The following JMJD1C variants were observed in gnomAD, a reference collection of about 807,000 sequenced individuals.
JMJD1C encodes the protein jumonji domain containing 1C, also known as jumonji domain-containing protein 1C.
A neutral mutation model predicts 245.3 loss-of-function variants in JMJD1C; 31 were observed. The observed-to-expected ratio is 0.13, with a 90% CI of 0.09 to 0.17. The LOEUF is 0.17. JMJD1C is among the 10% of genes least tolerant of loss of function. JMJD1C has a pLI of 1.00. For synonymous variants in JMJD1C, 1,057 were observed against 1,017.4 expected, an observed-to-expected ratio of 1.04 and a Z score of -0.74; for missense variants, 2,691 against 3,000.2, an observed-to-expected ratio of 0.90 and a Z score of 2.41.
intron 1 of JMJD1C, chr10:63,382,743 T>G (rs1947311061): frequency 2.2e-6 from 1 of 454,810 alleles, no homozygotes; most frequent in South Asian, 1.6e-5. Context: ...CTGGAAGCAG[T>G]CTTCTCATCA....
chr10:63,328,431 A>C (rs1320431436), intron 2 of JMJD1C, among the ~76,000 whole-genome samples: 1 of 152,254 alleles, frequency 6.6e-6, no homozygotes, highest in Admixed American at 6.5e-5. Flanking sequence ...TCCCACTGCA[A>C]ATTCATTACG....
chr10:63,295,724 G>T (rs1282684792), intron 2 of JMJD1C, among the ~76,000 whole-genome samples: 4 of 151,940 alleles, frequency 2.6e-5, no homozygotes, highest in Non-Finnish European at 5.9e-5. Flanking sequence ...TGGTAGTTAC[G>T]CTCTGTAAAG....
chr10:63,237,034 T>C (rs772912676), intron 3 of JMJD1C, among the ~76,000 whole-genome samples: 10 of 152,042 alleles, frequency 6.6e-5, no homozygotes, highest in Non-Finnish European at 1.3e-4. Flanking sequence ...ACACTGTTTT[T>C]GTTTTGTTTT....
At chr10:63,404,236 A>C (rs1239247357) in intron 1 of JMJD1C, among the ~76,000 whole-genome samples, 2 of 152,230 alleles carry the variant, frequency 1.3e-5, no homozygotes, top group African/African-American at 4.8e-5. Flanking sequence ...GACACATAAA[A>C]TGCAGTTATT....
intron 2 of JMJD1C, among the ~76,000 whole-genome samples, chr10:63,295,846 C>T (rs1214880870): frequency 6.6e-6 from 1 of 150,942 alleles, no homozygotes; most frequent in African/African-American, 2.4e-5. Context: ...TATCCACAAA[C>T]ATGTTTCATG....
intron 2 of JMJD1C, among the ~76,000 whole-genome samples, chr10:63,277,731 C>CTTTTTTTTT (rs35442695): frequency 0.026 from 1,670 of 64,288 alleles, 136 homozygotes; most frequent in East Asian, 0.051. Flanking sequence ...ATTTGCATTT[C>CTTTTTTTTT]TTTTTTTTTT....
chr10:63,275,968 G>A (rs564010191), intron 2 of JMJD1C, among the ~76,000 whole-genome samples: 1 of 152,218 alleles, frequency 6.6e-6, no homozygotes, highest in South Asian at 2.1e-4. Context: ...TAAAGCATTA[G>A]TTTTATTATT....
chr10:63,367,300 G>T (rs931809230), intron 2 of JMJD1C, among the ~76,000 whole-genome samples: 4 of 151,956 alleles, frequency 2.6e-5, no homozygotes, highest in African/African-American at 9.7e-5. Context: ...CCCAGGCTGG[G>T]GTGCAATGGC....
At chr10:63,421,828 A>T (rs1950143454) in intron 1 of JMJD1C, among the ~76,000 whole-genome samples, 1 of 152,194 alleles carries the variant, frequency 6.6e-6, no homozygotes, top group Non-Finnish European at 1.5e-5. Flanking sequence ...GGACATGGCA[A>T]GAAAGCAGCT....
chr10:63,191,639 C>G (rs1344656162), intron 16 of JMJD1C, among the ~76,000 whole-genome samples: 1 of 152,060 alleles, frequency 6.6e-6, no homozygotes, highest in African/African-American at 2.4e-5. Flanking sequence ...ATATTTAAGA[C>G]ATGTTTACAC....
chr10:63,500,531 C>T (rs897366078), intron 1 of JMJD1C, among the ~76,000 whole-genome samples: 2 of 151,892 alleles, frequency 1.3e-5, no homozygotes, highest in South Asian at 2.1e-4. Flanking sequence ...GTCAGGAGTT[C>T]GAGACCAGCC....
At chr10:63,269,056 T>A in intron 2 of JMJD1C, 1 of 985,446 alleles carries the variant, frequency 1.0e-6, no homozygotes, top group Non-Finnish European at 1.2e-6. Flanking sequence ...CATCCTCCGA[T>A]CTGGGTCAGG....
At chr10:63,177,910 A>C in intron 22 of JMJD1C, 54 bp from the exon 23 acceptor site, 1 of 1,568,570 alleles carries the variant, frequency 6.4e-7, no homozygotes. Flanking sequence ...CAGAAAGCCA[A>C]GTCTCCTAAA....
chr10:63,324,060 T>C (rs1254155713), intron 2 of JMJD1C, among the ~76,000 whole-genome samples: 4 of 148,592 alleles, frequency 2.7e-5, no homozygotes, highest in Non-Finnish European at 6.0e-5. Context: ...TTTTTTTCTA[T>C]GTGGGCCCCC....
In JMJD1C at chr10:63,295,938, CATAT is replaced by C. The variant is rs10653796; in HGVS notation, c.334-31178_334-31175del. On this transcript the variant is annotated intron_variant, in intron 2 of 25. Coordinates refer to ENST00000399262, the MANE Select transcript of JMJD1C (RefSeq NM_032776.3). The stretch of plus-strand genomic sequence containing the variant: ...ATGTATATACATGTACATGTGTATA[CATAT>C]ATATATATACACGTATATGTGTGTG... Among the ~76,000 whole-genome samples, 66 of 115,182 alleles carry C rather than the reference CATAT, an allele frequency of 5.7e-4. 3 individuals carry two copies. The highest frequency in any genetic ancestry group is 2.1e-3 in the African/African-American group (65 of 31,590). The allele number at this position is 115,182 out of a possible 152,430, so 75.6% of individuals were successfully genotyped here. A position where few individuals can be genotyped will look rare whatever the true frequency, so the allele number is the denominator to read the frequency against.
Position 63,414,234 on chromosome 10 carries a change from C to A in JMJD1C, c.169-33752G>T, listed in dbSNP as rs1017384232. ...ATCTCCTGACCTCGTGATCTGCCTG[C>A]CTCGGCCTCCCAAAGTGCTGGGATC... On this transcript the variant is annotated intron_variant, in intron 1 of 25. Coordinates refer to ENST00000399262, the MANE Select transcript of JMJD1C (RefSeq NM_032776.3). 2.6e-5 allele frequency among the ~76,000 whole-genome samples: 4 copies of A among 152,204 alleles called. No homozygotes were observed. In the East Asian group the frequency reaches 5.8e-4, roughly 22 times the overall value.
chr10:63,359,794 T>C (rs1945168691), intron 2 of JMJD1C, among the ~76,000 whole-genome samples: 1 of 152,198 alleles, frequency 6.6e-6, no homozygotes, highest in African/African-American at 2.4e-5. Context: ...TAACTGCTCT[T>C]ACAATTTAGA....
intron 4 of JMJD1C, chr10:63,217,801 TA>T (rs1419728698): frequency 4.6e-5 from 7 of 151,962 alleles, no homozygotes; most frequent in African/African-American, 1.7e-4. Flanking sequence ...AAAAAGTTGC[TA>T]AAAGTCTTAA....
chr10:63,225,011 G>A (rs370517879), intron 3 of JMJD1C, among the ~76,000 whole-genome samples: 85 of 151,672 alleles, frequency 5.6e-4, no homozygotes, highest in African/African-American at 1.9e-3. Flanking sequence ...GCAGTGAGCC[G>A]AGATTGCACC....
Sources: allele counts gnomAD v4.1 joint callset (sites outside exome capture counted in the v4.1 genomes callset), GRCh38; gene constraint gnomAD v4.1.1; transcripts MANE v1.5; gene names NCBI Gene and HGNC (gene_info 2026-07-23, HGNC 2026-07-21).